Variants in TRIM58 observed in about 807,000 individuals in gnomAD.
TRIM58 encodes the protein E3 ubiquitin-protein ligase TRIM58.
A neutral mutation model predicts 34.1 loss-of-function variants in TRIM58; 38 were observed. The ratio of observed to expected loss-of-function variants is 1.12; its 90% CI spans 0.86 to 1.46. The LOEUF (loss-of-function observed/expected upper bound fraction) is 1.46. Ranked by LOEUF, TRIM58 falls within the 40% of genes most tolerant of loss-of-function variation. The probability of loss-of-function intolerance (pLI) is 0.00; values close to 1 mark genes in which losing one functional copy is unlikely to be tolerated. For synonymous variants in TRIM58, 273 were observed against 275.7 expected (o/e 0.99, Z 0.10); for missense variants, 677 against 642.0 (o/e 1.05, Z -0.59).
intron 1 of TRIM58, among the ~76,000 whole-genome samples, chr1:247,857,959 G>A (rs1180748456): frequency 6.6e-6 from 1 of 152,224 alleles, no homozygotes; most frequent in Non-Finnish European, 1.5e-5. Context: ...CGGATAGTCT[G>A]GTCCCTCAGC....
intron 2 of TRIM58, among the ~76,000 whole-genome samples, chr1:247,863,447 A>G (rs1050167355): frequency 6.6e-6 from 1 of 152,044 alleles, no homozygotes; most frequent in African/African-American, 2.4e-5. Context: ...CTGAGACAGG[A>G]GAATCACTTG....
chr1:247,871,829 G>GCC (rs1659132305), intron 5 of TRIM58, among the ~76,000 whole-genome samples: 6 of 152,190 alleles, frequency 3.9e-5, no homozygotes, highest in African/African-American at 1.4e-4. Context: ...AAAATACACA[G>GCC]GCTGTAAGTG....
intron 1 of TRIM58, among the ~76,000 whole-genome samples, chr1:247,858,173 C>T (rs1449593807): frequency 6.6e-6 from 1 of 152,076 alleles, no homozygotes; most frequent in African/African-American, 2.4e-5. Context: ...GGGTTCCGAC[C>T]CCTCCAAAGC....
intron 5 of TRIM58, among the ~76,000 whole-genome samples, chr1:247,872,721 A>G (rs540278306): frequency 1.3e-5 from 2 of 152,270 alleles, no homozygotes; most frequent in South Asian, 4.2e-4. Flanking sequence ...GCACCCGGGT[A>G]GATAGGGAGT....
chr1:247,865,168 G>A (rs1663892320), intron 3 of TRIM58, among the ~76,000 whole-genome samples: 1 of 152,222 alleles, frequency 6.6e-6, no homozygotes, highest in Non-Finnish European at 1.5e-5. Flanking sequence ...GGTGGCACAT[G>A]CCTGTAGTCC....
intron 3 of TRIM58, 121 bp from the exon 4 acceptor site, chr1:247,867,724 T>C (rs1007057585): frequency 1.1e-5 from 12 of 1,131,792 alleles, no homozygotes; most frequent in African/African-American, 7.8e-5. Flanking sequence ...TATTGTCCCC[T>C]ATAATTTTAT....
chr1:247,862,396 C>T (rs967528806), intron 2 of TRIM58, among the ~76,000 whole-genome samples: 9 of 151,992 alleles, frequency 5.9e-5, no homozygotes, highest in African/African-American at 2.2e-4. Context: ...GTGGGTTCTG[C>T]AGTAAGATCA....
rs1397445897 is a variant in TRIM58 at position 247,857,264 on chromosome 1, C to G, written c.18C>G (p.Pro6=). 7.5e-7 allele frequency: 1 copy of G among 1,340,824 alleles called. No homozygotes were observed. Among genetic ancestry groups the G allele is most frequent in the Non-Finnish European group, 9.6e-7 (1 of 1,038,726 alleles). 83.1% of individuals were successfully genotyped at this position (1,340,824 alleles called of 1,614,324 possible). A position where few individuals can be genotyped will look rare whatever the true frequency, so the allele number is the denominator to read the frequency against. Residue 6 remains proline (P), a synonymous_variant, in exon 1 of 6, where the codon CCC becomes CCG. Transcript: ENST00000366481. MAWAP[P]GERLREDARC... ...GGCGGGTCATGGCCTGGGCGCCGCCCGGGGAGCGGCTGCGCGAGGATGCGC... is the reference window on the plus strand; with the variant it reads ...GGCGGGTCATGGCCTGGGCGCCGCCGGGGGAGCGGCTGCGCGAGGATGCGC...
rs190786173 is a variant in TRIM58 at position 247,872,933 on chromosome 1, T to C, written c.872-2967T>C. On this transcript the variant is annotated intron_variant, in intron 5 of 5. Transcript: ENST00000366481. The stretch of plus-strand genomic sequence containing the variant: ...GTGTTGAGAGATACAGAAAAATCAT[T>C]GAAGATGAACTCTGGGCCGGGCGCG... Among the ~76,000 whole-genome samples, 9 of 152,206 alleles carry C rather than the reference T, an allele frequency of 5.9e-5. No individual in the cohort carries two copies. In the East Asian group the frequency reaches 1.7e-3, roughly 29 times the overall value.
chr1:247,875,945 T>C lies in TRIM58; in HGVS notation c.917T>C (p.Leu306Ser). 6.2e-7 allele frequency: 1 copy of C among 1,614,128 alleles called. No individual in the cohort carries two copies. The highest frequency in any genetic ancestry group is 1.3e-5 in the African/African-American group (1 of 75,056). ...GCCACGGCGCACCCGAGTCTGCTCT[T>C]GACCGCCGACCTGCGCAGTGTGCAG... ...DPATAHPSLLLTADLRSVQDG... is the reference protein window; with the variant it reads ...DPATAHPSLLSTADLRSVQDG... The change falls in exon 6 of 6, where the codon TTG becomes TCG. Residue 306 changes from leucine to serine, a missense_variant. Physicochemically the swap from Leu to Ser is moderately radical, Grantham distance 145 (BLOSUM62 -2). Coordinates refer to ENST00000366481, the MANE Select transcript of TRIM58 (RefSeq NM_015431.4).
chr1:247,868,978 C>T (rs1663997255), intron 5 of TRIM58, among the ~76,000 whole-genome samples: 1 of 152,180 alleles, frequency 6.6e-6, no homozygotes, highest in Non-Finnish European at 1.5e-5. Flanking sequence ...CAGCTCACTG[C>T]AACCTCCACC....
chr1:247,860,376 A>G (rs1210519125), intron 1 of TRIM58, among the ~76,000 whole-genome samples: 2 of 152,018 alleles, frequency 1.3e-5, no homozygotes, highest in African/African-American at 4.8e-5. Context: ...TGGGAGGATC[A>G]TTTGATCCCA....
chr1:247,878,994 A>G lies in TRIM58; in HGVS notation c.*2505A>G, dbSNP rs1472236117. On this transcript the variant is annotated 3_prime_UTR_variant, in exon 6 of 6. Coordinates refer to ENST00000366481, the MANE Select transcript of TRIM58 (RefSeq NM_015431.4). ...CTGGAACTTTGTTTCGTTACCAGCA[A>G]AATCCTCGACATCCATACCCGTTTC... Among the ~76,000 whole-genome samples the G allele has an allele frequency of 6.6e-6, 1 of 152,114 alleles. No homozygotes were observed. The highest frequency in any genetic ancestry group is 2.4e-5 in the African/African-American group (1 of 41,434).
Position 247,876,311 on chromosome 1 carries a change from C to T in TRIM58, c.1283C>T (p.Thr428Ile), listed in dbSNP as rs754487183. Reference sequence around the variant, plus strand: ...GGTGAAATTTCATTCTACAATGTCACAGATGGATCTTATATCTACACATTC... The same window carrying T: ...GGTGAAATTTCATTCTACAATGTCATAGATGGATCTTATATCTACACATTC... ...EAGEISFYNVTDGSYIYTFNQ... is the reference protein window; with the variant it reads ...EAGEISFYNVIDGSYIYTFNQ... Residue 428 changes from threonine (T) to isoleucine (I), a missense_variant, in exon 6 of 6, where the codon ACA (threonine) becomes ATA (isoleucine). Transcript: ENST00000366481. The T allele has an allele frequency of 2.5e-6, 4 of 1,614,200 alleles. No individual in the cohort carries two copies. The Admixed American group carries it at 5.0e-5, about 20-fold the overall frequency.
Position 247,857,417 on chromosome 1 carries a change from T to C in TRIM58, c.171T>C (p.Cys57=), listed in dbSNP as rs775386370. The change falls in exon 1 of 6, where the codon TGT becomes TGC. Residue 57 remains cysteine, a synonymous_variant. Transcript: ENST00000366481. ...GCGCGCAGGGCGGCGTCTACGCCTGTCCGCAGTGCCGGGGCCCCTTCCGGC... is the reference window on the plus strand; with the variant it reads ...GCGCGCAGGGCGGCGTCTACGCCTGCCCGCAGTGCCGGGGCCCCTTCCGGC... ...SDGAQGGVYA[C]PQCRGPFRPS... is the part of the protein sequence containing the mutation. 15 of 1,498,994 alleles carry C rather than the reference T, an allele frequency of 1.0e-5. No individual in the cohort carries two copies. Among genetic ancestry groups the C allele is most frequent in the Non-Finnish European group, 1.3e-5 (15 of 1,120,826 alleles). The allele number at this position is 1,498,994 out of a possible 1,614,324, so 92.9% of individuals were successfully genotyped here. A position where few individuals can be genotyped will look rare whatever the true frequency, so the allele number is the denominator to read the frequency against.
rs1390224022 is a variant in TRIM58, at chr1:247,879,747, C to A, written c.*3258C>A. On this transcript the variant is annotated 3_prime_UTR_variant, in exon 6 of 6. Transcript: ENST00000366481. ...GCCATTTCCCCGCCTGTGGCTTCTG[C>A]TTGACATTCCCTTTTCCCTGATATC... Among the ~76,000 whole-genome samples the A allele has an allele frequency of 6.6e-6, 1 of 151,448 alleles. No individual in the cohort carries two copies. The highest frequency in any genetic ancestry group is 2.0e-4 in the East Asian group (1 of 5,066).
chr1:247,861,767 C>T (rs924174942), intron 2 of TRIM58, among the ~76,000 whole-genome samples: 1 of 151,962 alleles, frequency 6.6e-6, no homozygotes, highest in African/African-American at 2.4e-5. Context: ...TTATTTACTA[C>T]ATTACTAGAT....
intron 3 of TRIM58, among the ~76,000 whole-genome samples, chr1:247,866,699 A>T (rs1663934952): frequency 6.6e-6 from 1 of 151,930 alleles, no homozygotes; most frequent in African/African-American, 2.4e-5. Context: ...GTCTCCTAGG[A>T]TCAGGTGATC....
At chr1:247,862,209 A>G (rs191794052) in intron 2 of TRIM58, among the ~76,000 whole-genome samples, 24 of 152,348 alleles carry the variant, frequency 1.6e-4, no homozygotes, top group Non-Finnish European at 2.9e-4. Context: ...GATAAAAGTT[A>G]TCAATATTAA....
Sources: gnomAD v4.1 joint callset for allele counts (sites outside exome capture counted in the v4.1 genomes callset) on GRCh38, gnomAD v4.1.1 for gene constraint, MANE v1.5 for transcripts, NCBI Gene and HGNC (gene_info 2026-07-23, HGNC 2026-07-21) for gene names.